AUTS2: variants seen among roughly 807,000 people sequenced by gnomAD.
AUTS2 encodes the protein activator of transcription and developmental regulator AUTS2.
Under a neutral mutation model 112.4 loss-of-function variants are expected in AUTS2, and 17 were observed. That is an observed-to-expected ratio of 0.15 (90% CI 0.10 to 0.23). The LOEUF (loss-of-function observed/expected upper bound fraction) is 0.23. AUTS2 is among the 10% of genes least tolerant of loss of function. The pLI, the probability that AUTS2 is intolerant of heterozygous loss-of-function variation, is 1.00. For missense variants in AUTS2, 1,510 were observed against 1,701.6 expected (o/e 0.89, Z 1.98); for synonymous variants, 751 against 702.7 (o/e 1.07, Z -1.09).
chr7:70,098,219 G>A (rs1474250813), intron 2 of AUTS2, among the ~76,000 whole-genome samples: 2 of 152,176 alleles, frequency 1.3e-5, no homozygotes, highest in Non-Finnish European at 2.9e-5. Flanking sequence ...TAAAATAACA[G>A]GAAACAGACA....
intron 4 of AUTS2, chr7:70,293,973 G>C (rs1467742155): frequency 6.6e-6 from 1 of 152,102 alleles, no homozygotes; most frequent in African/African-American, 2.4e-5. Flanking sequence ...CCCCACTGGG[G>C]GCCATCCAAG....
intron 5 of AUTS2, among the ~76,000 whole-genome samples, chr7:70,535,236 T>A (rs2129500978): frequency 6.6e-6 from 1 of 152,216 alleles, no homozygotes; most frequent in East Asian, 1.9e-4. Flanking sequence ...AATTAATGAA[T>A]GAAAGGCACT....
chr7:70,002,813 A>G (rs1799259568), intron 2 of AUTS2, among the ~76,000 whole-genome samples: 1 of 152,036 alleles, frequency 6.6e-6, no homozygotes, highest in Admixed American at 6.6e-5. Flanking sequence ...AGTCACAGAT[A>G]CTGTTAATGT....
At chr7:69,951,934 C>A (rs948980196) in intron 2 of AUTS2, among the ~76,000 whole-genome samples, 5 of 152,160 alleles carry the variant, frequency 3.3e-5, no homozygotes, top group Non-Finnish European at 5.9e-5. Flanking sequence ...GAAAGACCTT[C>A]AGTTTTATTT....
At chr7:70,693,278 C>A (rs929038681) in intron 5 of AUTS2, among the ~76,000 whole-genome samples, 1 of 152,314 alleles carries the variant, frequency 6.6e-6, no homozygotes. Flanking sequence ...CTGCACTGTG[C>A]TCTAGGGGAT....
intron 4 of AUTS2, among the ~76,000 whole-genome samples, chr7:70,398,052 G>T (rs1201961761): frequency 6.6e-6 from 1 of 152,150 alleles, no homozygotes; most frequent in Non-Finnish European, 1.5e-5. Context: ...TTATTGAAAA[G>T]GTTATGCATT....
chr7:69,645,738 G>A (rs1321463779), intron 1 of AUTS2, among the ~76,000 whole-genome samples: 1 of 152,158 alleles, frequency 6.6e-6, no homozygotes, highest in Non-Finnish European at 1.5e-5. Context: ...ATGGGGCAGG[G>A]GGAGAGGGTT....
chr7:70,486,908 CA>C (rs1554410190), intron 5 of AUTS2, among the ~76,000 whole-genome samples: 4 of 118,764 alleles, frequency 3.4e-5, no homozygotes, highest in African/African-American at 1.0e-4. Context: ...CCCCCCCCCC[CA>C]AAAAAAAAGA....
chr7:69,650,855 T>C (rs568169232), intron 1 of AUTS2, among the ~76,000 whole-genome samples: 77 of 152,302 alleles, frequency 5.1e-4, no homozygotes, highest in African/African-American at 1.7e-3. Context: ...TTTCATCTCT[T>C]TTCTGTCACC....
chr7:69,909,240 G>A (rs1385322035), intron 2 of AUTS2, among the ~76,000 whole-genome samples: 1 of 152,162 alleles, frequency 6.6e-6, no homozygotes, highest in Non-Finnish European at 1.5e-5. Context: ...TCTGCCAGAT[G>A]ATGTAGACAT....
At chr7:70,349,963 A>G (rs1791674170) in intron 4 of AUTS2, among the ~76,000 whole-genome samples, 2 of 152,236 alleles carry the variant, frequency 1.3e-5, no homozygotes, top group Non-Finnish European at 2.9e-5. Context: ...ACAGTGTTGG[A>G]ACACCCTGCA....
intron 5 of AUTS2, among the ~76,000 whole-genome samples, chr7:70,536,353 A>G (rs998353006): frequency 4.6e-5 from 7 of 152,124 alleles, no homozygotes; most frequent in Non-Finnish European, 8.8e-5. Flanking sequence ...CACAAAATGA[A>G]AGTCAGTATT....
intron 2 of AUTS2, among the ~76,000 whole-genome samples, chr7:69,934,276 T>C (rs565888867): frequency 1.3e-5 from 2 of 152,294 alleles, no homozygotes; most frequent in East Asian, 1.9e-4. Flanking sequence ...ACAATGCAGC[T>C]GAGTTAGAGT....
intron 5 of AUTS2, among the ~76,000 whole-genome samples, chr7:70,444,695 A>G (rs569523251): frequency 3.9e-4 from 60 of 152,242 alleles, no homozygotes; most frequent in African/African-American, 1.4e-3. Flanking sequence ...GTAGACCTGC[A>G]TGACCTCTTC....
At chr7:70,723,088 G>A (rs568218571) in intron 6 of AUTS2, among the ~76,000 whole-genome samples, 6 of 152,184 alleles carry the variant, frequency 3.9e-5, no homozygotes, top group African/African-American at 1.2e-4. Context: ...AGTAGAGAAC[G>A]TGAGCTTCTT....
intron 2 of AUTS2, among the ~76,000 whole-genome samples, chr7:69,962,702 G>A (rs1797478863): frequency 6.6e-6 from 1 of 151,972 alleles, no homozygotes; most frequent in Non-Finnish European, 1.5e-5. Context: ...GTGCATGCAT[G>A]CATGTATGTG....
intron 6 of AUTS2, among the ~76,000 whole-genome samples, chr7:70,736,069 A>G (rs1787766517): frequency 6.6e-6 from 1 of 152,100 alleles, no homozygotes; most frequent in South Asian, 2.1e-4. Flanking sequence ...TAACAATTAG[A>G]ATATCATAAC....
At chr7:70,767,886 A>G (rs1790038362) in intron 9 of AUTS2, 138 bp from the exon 10 acceptor site, 1 of 774,990 alleles carries the variant, frequency 1.3e-6, no homozygotes, top group Non-Finnish European at 2.1e-6. Flanking sequence ...TCAGGAGCTC[A>G]GAATGGTTTC....
intron 4 of AUTS2, among the ~76,000 whole-genome samples, chr7:70,183,279 G>C (rs1809419059): frequency 6.6e-6 from 1 of 152,176 alleles, no homozygotes. Context: ...ACTGGGATTG[G>C]AGGCTGGGCT....
Sources: allele counts gnomAD v4.1 joint callset (sites outside exome capture counted in the v4.1 genomes callset), GRCh38; gene constraint gnomAD v4.1.1; transcripts MANE v1.5; gene names NCBI Gene and HGNC (gene_info 2026-07-23, HGNC 2026-07-21).